The following BIRC6 variants were observed in gnomAD, a reference collection of about 807,000 sequenced individuals.
BIRC6 encodes baculoviral IAP repeat containing 6.
BIRC6 carries 98 observed loss-of-function variants against 503.3 expected under a neutral mutation model. The observed-to-expected ratio is 0.19, with a 90% confidence interval of 0.17 to 0.23. The LOEUF (loss-of-function observed/expected upper bound fraction) is 0.23. BIRC6 is among the 10% of genes least tolerant of loss of function. The pLI, the probability that BIRC6 is intolerant of heterozygous loss-of-function variation, is 1.00. For missense variants in BIRC6, 5,360 were observed against 5,806.0 expected (o/e 0.92, Z 2.50); for synonymous variants, 2,240 against 2,078.7 (o/e 1.08, Z -2.11).
In BIRC6 at chr2:32,431,040, C is replaced by T; in HGVS notation, c.3198C>T (p.His1066=). The change falls in exon 12 of 74, where the codon CAC becomes CAT. Residue 1066 remains histidine, a synonymous_variant. Transcript: ENST00000421745. ...RRHPQHLHQQ[H]HGDAAQHTRT... ...ATCCTCAACATTTGCATCAGCAACA[C>T]CATGGTGATGCTGCTCAGCATACTC... 17 of 1,613,522 alleles carry T rather than the reference C, an allele frequency of 1.1e-5. No individual in the cohort carries two copies. Among genetic ancestry groups the T allele is most frequent in the Non-Finnish European group, 1.4e-5 (17 of 1,179,742 alleles).
At chr2:32,513,977 G>A (rs575712701) in intron 54 of BIRC6, among the ~76,000 whole-genome samples, 3 of 141,198 alleles carry the variant, frequency 2.1e-5, no homozygotes, top group East Asian at 2.1e-4. Context: ...AGGCTGAGGC[G>A]CAAGAATTGT....
chr2:32,594,790 T>A (rs1167155389), intron 67 of BIRC6, among the ~76,000 whole-genome samples: 1 of 152,206 alleles, frequency 6.6e-6, no homozygotes, highest in African/African-American at 2.4e-5. Context: ...TTATCTATTG[T>A]TTCACTTCCT....
chr2:32,514,049 G>C (rs577112356), intron 54 of BIRC6, among the ~76,000 whole-genome samples: 1 of 152,348 alleles, frequency 6.6e-6, no homozygotes, highest in African/African-American at 2.4e-5. Context: ...GGGCAACAGA[G>C]CGAGACTCTG....
At chr2:32,501,481 G>A (rs2053188743) in intron 46 of BIRC6, among the ~76,000 whole-genome samples, 1 of 152,076 alleles carries the variant, frequency 6.6e-6, no homozygotes, top group Admixed American at 6.6e-5. Context: ...ATGTGTAGAG[G>A]GTTTAGACAG....
At chr2:32,500,897 G>A (rs1411709473) in intron 46 of BIRC6, among the ~76,000 whole-genome samples, 2 of 151,790 alleles carry the variant, frequency 1.3e-5, no homozygotes, top group African/African-American at 2.4e-5. Context: ...GAGCCACTGC[G>A]CCCTGCCAAT....
intron 66 of BIRC6, among the ~76,000 whole-genome samples, chr2:32,583,440 T>C (rs570310454): frequency 3.0e-4 from 46 of 152,336 alleles, no homozygotes; most frequent in African/African-American, 1.1e-3. Context: ...CTGATGAATA[T>C]TGATGTTGGC....
At chr2:32,610,648 G>A (rs80197441) in intron 72 of BIRC6, among the ~76,000 whole-genome samples, 5,291 of 152,256 alleles carry the variant, frequency 0.035, 143 homozygotes, top group African/African-American at 0.074. Context: ...TGCCTTCTGA[G>A]TATATTGTAT....
chr2:32,377,249 G>A (rs572762412), intron 1 of BIRC6, among the ~76,000 whole-genome samples: 6 of 148,518 alleles, frequency 4.0e-5, no homozygotes, highest in South Asian at 2.1e-4. Flanking sequence ...GTGTGTGTGT[G>A]TATACACATC....
chr2:32,617,586 C>A, intron 73 of BIRC6, 139 bp from the exon 74 acceptor site: 1 of 853,132 alleles, frequency 1.2e-6, no homozygotes, highest in Non-Finnish European at 1.7e-6. Flanking sequence ...GTGCCTGTAA[C>A]AGTAGCTTGC....
chr2:32,500,321 G>A lies in BIRC6; in HGVS notation c.9031+212G>A, dbSNP rs559507076. On this transcript the variant is annotated intron_variant, in intron 46 of 73. Transcript: ENST00000421745. ...GACAAATGTCATGTCAGTTTGGTTT[G>A]TTTTCTTTTTATTGAGATGCCTCCC... Among the ~76,000 whole-genome samples, 10 of 151,886 alleles carry A rather than the reference G, an allele frequency of 6.6e-5. No individual in the cohort carries two copies. In the South Asian group the frequency reaches 2.1e-3, roughly 32 times the overall value.
intron 61 of BIRC6, among the ~76,000 whole-genome samples, chr2:32,531,959 T>C (rs2056796244): frequency 6.6e-6 from 1 of 152,212 alleles, no homozygotes; most frequent in South Asian, 2.1e-4. Flanking sequence ...GCCATTTCCA[T>C]TTTTGGTGGT....
At chr2:32,593,573 C>T (rs891302802) in intron 66 of BIRC6, among the ~76,000 whole-genome samples, 1 of 151,918 alleles carries the variant, frequency 6.6e-6, no homozygotes, top group Non-Finnish European at 1.5e-5. Flanking sequence ...TTAAAAACTG[C>T]TTGTGGTCCT....
chr2:32,438,269 A>C (rs920263354), intron 15 of BIRC6, among the ~76,000 whole-genome samples: 1 of 152,220 alleles, frequency 6.6e-6, no homozygotes. Context: ...ACATTGGCCA[A>C]AGAAATTTTG....
At chr2:32,551,499 T>A (rs1385522270) in intron 65 of BIRC6, among the ~76,000 whole-genome samples, 3 of 152,088 alleles carry the variant, frequency 2.0e-5, no homozygotes, top group African/African-American at 7.2e-5. Flanking sequence ...GCCAGGCTGG[T>A]CTCAAATCCT....
In BIRC6 at chr2:32,501,750, T is replaced by C. The variant is rs1226152836; in HGVS notation, c.9069T>C (p.Phe3023=). Residue 3023 remains phenylalanine (F), a synonymous_variant, in exon 47 of 74, where the codon TTT becomes TTC. Coordinates refer to ENST00000421745, the MANE Select transcript of BIRC6 (RefSeq NM_016252.4). ...SGLHLTKHEN[F]HGGLDAISVG... ...TACATCTCACTAAACATGAAAACTTTCATGGTGGGTTGGATGCCATATCAG... is the reference window on the plus strand; with the variant it reads ...TACATCTCACTAAACATGAAAACTTCCATGGTGGGTTGGATGCCATATCAG... 3 of 1,612,434 alleles carry C rather than the reference T, an allele frequency of 1.9e-6. No homozygotes were observed. The highest frequency in any genetic ancestry group is 1.7e-5 in the Admixed American group (1 of 59,538).
At chr2:32,466,363 T>C (rs2048541489) in intron 26 of BIRC6, among the ~76,000 whole-genome samples, 1 of 152,214 alleles carries the variant, frequency 6.6e-6, no homozygotes, top group Admixed American at 6.5e-5. Context: ...GCTTTTTCTT[T>C]ACCTATCTCA....
intron 61 of BIRC6, among the ~76,000 whole-genome samples, chr2:32,540,704 TG>T (rs762368246): frequency 1.3e-5 from 2 of 152,046 alleles, no homozygotes; most frequent in Non-Finnish European, 2.9e-5. Flanking sequence ...TTGGTGCTTT[TG>T]CTGAACCTGT....
intron 72 of BIRC6, among the ~76,000 whole-genome samples, chr2:32,608,037 C>T (rs1312003006): frequency 1.4e-5 from 2 of 146,064 alleles, no homozygotes; most frequent in Non-Finnish European, 3.0e-5. Context: ...ATTCTATTTG[C>T]CTTTATATGT....
At chr2:32,507,899 G>C in intron 50 of BIRC6, 81 bp from the exon 51 acceptor site, 2 of 1,310,254 alleles carry the variant, frequency 1.5e-6, no homozygotes, top group Non-Finnish European at 2.1e-6. Flanking sequence ...TGTGAAAGCT[G>C]CTATTTTACT....
Sources: gnomAD v4.1 joint callset for allele counts (sites outside exome capture counted in the v4.1 genomes callset) on GRCh38, gnomAD v4.1.1 for gene constraint, MANE v1.5 for transcripts, NCBI Gene and HGNC (gene_info 2026-07-23, HGNC 2026-07-21) for gene names.